COL18A1: variants seen among roughly 807,000 people sequenced by gnomAD.
COL18A1 encodes collagen alpha-1(XVIII) chain.
A neutral mutation model predicts 168.0 loss-of-function variants in COL18A1; 133 were observed. The observed-to-expected ratio is 0.79, with a 90% CI of 0.69 to 0.91. COL18A1 has a LOEUF of 0.91. Among genes scored for constraint, COL18A1 ranks in the 40% least tolerant of loss-of-function variants. COL18A1 has a pLI of 0.00. For missense variants in COL18A1, 2,126 were observed against 1,925.4 expected (o/e 1.10, Z -1.95); for synonymous variants, 949 against 809.0 (o/e 1.17, Z -2.94).
intron 2 of COL18A1, among the ~76,000 whole-genome samples, chr21:45,441,063 C>T (rs2034357439): frequency 6.6e-6 from 1 of 152,214 alleles, no homozygotes; most frequent in East Asian, 1.9e-4. Flanking sequence ...ACCCGCCTTT[C>T]CGCTCCAAGC....
chr21:45,452,201 G>T (rs549614531), intron 2 of COL18A1, among the ~76,000 whole-genome samples: 3 of 152,382 alleles, frequency 2.0e-5, no homozygotes, highest in Middle Eastern at 3.4e-3. Flanking sequence ...GCAGGGGCTG[G>T]GAAGGAGGCC....
chr21:45,467,021 C>T lies in COL18A1; in HGVS notation c.107-1221C>T, dbSNP rs764778380. On this transcript the variant is annotated intron_variant, in intron 2 of 41. Transcript: ENST00000651438. ...TAACAGCTGCCATCTGGGTGGACGG[C>T]GGCCTCTGTCTGAGGGGGATGTGAC... Among the ~76,000 whole-genome samples, 228 of 152,340 alleles carry T rather than the reference C, an allele frequency of 1.5e-3. 1 individual carries two copies. Among genetic ancestry groups the T allele is most frequent in the Middle Eastern group, 3.4e-3 (1 of 294 alleles).
intron 7 of COL18A1, 70 bp from the exon 8 acceptor site, chr21:45,477,680 C>T (rs2145924271): frequency 1.4e-6 from 2 of 1,407,582 alleles, no homozygotes; most frequent in East Asian, 5.0e-5. Context: ...CTGGAGGGCG[C>T]AGCGGGACAC....
Position 45,468,397 on chromosome 21 carries a change from T to C in COL18A1, c.262T>C (p.Phe88Leu). The C allele has an allele frequency of 6.2e-7, 1 of 1,614,006 alleles. No individual in the cohort carries two copies. The highest frequency in any genetic ancestry group is 8.5e-7 in the Non-Finnish European group (1 of 1,180,024). ...GGCCCGGTACCACTTCCCCAGCCTC[T>C]TCTTCCGTGACTTCTCACTGCTGTT... The part of the protein sequence containing the change: ...QVARYHFPSL[F>L]FRDFSLLFHI... Residue 88 changes from phenylalanine (F) to leucine (L), a missense_variant, in exon 3 of 42, where the codon TTC becomes CTC. By Grantham distance (22) the Phe-to-Leu change is conservative. Coordinates refer to ENST00000651438, the MANE Select transcript of COL18A1 (RefSeq NM_001379500.1).
At chr21:45,438,016 ACT>A (rs1473131117) in intron 2 of COL18A1, among the ~76,000 whole-genome samples, 120 of 76,636 alleles carry the variant, frequency 1.6e-3, no homozygotes, top group African/African-American at 7.2e-3. Flanking sequence ...GCACACACAC[ACT>A]CACTCACACA....
intron 2 of COL18A1, among the ~76,000 whole-genome samples, chr21:45,441,705 C>T (rs1569291265): frequency 6.6e-6 from 1 of 152,042 alleles, no homozygotes; most frequent in Non-Finnish European, 1.5e-5. Context: ...AACAGGTCTC[C>T]TCTGAGCAGG....
At chr21:45,405,563 G>T in intron 2 of COL18A1, 90 bp downstream of exon 2, 1 of 788,930 alleles carries the variant, frequency 1.3e-6, no homozygotes. Context: ...CCTCACCCCC[G>T]CCCCGGCCGC....
chr21:45,437,280 ACT>A (rs1408861743), intron 2 of COL18A1, among the ~76,000 whole-genome samples: 8 of 115,936 alleles, frequency 6.9e-5, no homozygotes, highest in Non-Finnish European at 1.0e-4. Flanking sequence ...ACACACAGGC[ACT>A]CTCCTGCACA....
chr21:45,491,844 G>GA (rs1007196427), intron 22 of COL18A1, among the ~76,000 whole-genome samples: 9 of 152,198 alleles, frequency 5.9e-5, no homozygotes, highest in African/African-American at 2.2e-4. Flanking sequence ...GGAACACAGG[G>GA]ACCAAGCCCC....
intron 36 of COL18A1, 82 bp from the exon 37 acceptor site, chr21:45,505,756 C>A: frequency 8.7e-7 from 1 of 1,149,676 alleles, no homozygotes; most frequent in Non-Finnish European, 1.3e-6. Flanking sequence ...TGCCCAGCAC[C>A]CTGAAACGGG....
intron 26 of COL18A1, chr21:45,494,144 C>T: frequency 2.6e-6 from 1 of 384,764 alleles, no homozygotes; most frequent in Non-Finnish European, 4.9e-6. Flanking sequence ...TGGGGTGGGC[C>T]TCAGACACAG....
intron 2 of COL18A1, among the ~76,000 whole-genome samples, chr21:45,419,309 TGACGC>T (rs2033548733): frequency 1.3e-5 from 2 of 151,628 alleles, no homozygotes; most frequent in Admixed American, 1.3e-4. Flanking sequence ...TGCCGTGTAG[TGACGC>T]AATGCCGTGT....
chr21:45,504,796 C>A (rs2037091414), intron 34 of COL18A1, among the ~76,000 whole-genome samples: 1 of 152,146 alleles, frequency 6.6e-6, no homozygotes, highest in African/African-American at 2.4e-5. Flanking sequence ...CCTGCTGGGG[C>A]CACGTGCATC....
chr21:45,445,265 C>T (rs2034480248), intron 2 of COL18A1, among the ~76,000 whole-genome samples: 3 of 152,228 alleles, frequency 2.0e-5, no homozygotes, highest in Non-Finnish European at 4.4e-5. Flanking sequence ...CCGGGTTCGT[C>T]CGTGTTGCAC....
intron 2 of COL18A1, among the ~76,000 whole-genome samples, chr21:45,461,338 A>C (rs1185770656): frequency 6.6e-6 from 1 of 152,078 alleles, no homozygotes; most frequent in Non-Finnish European, 1.5e-5. Flanking sequence ...GCGAAATGAA[A>C]GGACACTACT....
intron 3 of COL18A1, among the ~76,000 whole-genome samples, chr21:45,469,142 A>G (rs1182960626): frequency 6.6e-6 from 1 of 152,186 alleles, no homozygotes; most frequent in African/African-American, 2.4e-5. Flanking sequence ...CATCCACCCC[A>G]GCCGTGACCC....
intron 2 of COL18A1, among the ~76,000 whole-genome samples, chr21:45,429,115 A>G (rs148582297): frequency 2.6e-5 from 4 of 151,666 alleles, no homozygotes; most frequent in Admixed American, 6.6e-5. Context: ...GTTGGCCAGG[A>G]TGGTCTCGAT....
At chr21:45,453,281 A>G in intron 2 of COL18A1, among the ~76,000 whole-genome samples, 1 of 152,124 alleles carries the variant, frequency 6.6e-6, no homozygotes, top group East Asian at 1.9e-4. Flanking sequence ...GCTTATATGT[A>G]CATGTGTGGG....
At chr21:45,454,895 G>A (rs545818623) in intron 2 of COL18A1, among the ~76,000 whole-genome samples, 3 of 152,342 alleles carry the variant, frequency 2.0e-5, no homozygotes, top group African/African-American at 7.2e-5. Flanking sequence ...AGGTCAGGAA[G>A]GGCTGAGAGG....
Sources: allele counts gnomAD v4.1 joint callset (sites outside exome capture counted in the v4.1 genomes callset), GRCh38; gene constraint gnomAD v4.1.1; transcripts MANE v1.5; gene names NCBI Gene and HGNC (gene_info 2026-07-23, HGNC 2026-07-21).